The following TAFA2 variants were observed in gnomAD, a reference collection of about 807,000 sequenced individuals.
TAFA2 encodes chemokine-like protein TAFA-2.
Under a neutral mutation model 18.8 loss-of-function variants are expected in TAFA2, and 7 were observed. The ratio of observed to expected loss-of-function variants is 0.37; its 90% CI spans 0.21 to 0.70. The LOEUF is 0.70. TAFA2 is among the 30% of genes least tolerant of loss of function. The pLI is 0.53. For synonymous variants in TAFA2, 60 were observed against 54.2 expected (o/e 1.11, Z -0.47); for missense variants, 122 against 158.1 (o/e 0.77, Z 1.23).
At chr12:61,728,695 T>G (rs1848529963) in intron 4 of TAFA2, among the ~76,000 whole-genome samples, 1 of 151,982 alleles carries the variant, frequency 6.6e-6, no homozygotes, top group Non-Finnish European at 1.5e-5. Context: ...ATTCTGCATA[T>G]TTGAAGTGGA....
intron 2 of TAFA2, among the ~76,000 whole-genome samples, chr12:61,765,810 GA>G (rs1171277036): frequency 6.6e-6 from 1 of 151,956 alleles, no homozygotes; most frequent in Non-Finnish European, 1.5e-5. Flanking sequence ...TTTTTTTAGA[GA>G]CTTAAAAATA....
At chr12:62,258,273 C>G (rs1179443780) in intron 1 of TAFA2, 2 of 152,152 alleles carry the variant, frequency 1.3e-5, no homozygotes, top group African/African-American at 2.4e-5. Context: ...CAAAACGGCT[C>G]CATAAATCTG....
At chr12:62,234,722 C>A in intron 1 of TAFA2, 1 of 1,098,068 alleles carries the variant, frequency 9.1e-7, no homozygotes, top group Non-Finnish European at 1.4e-6. Flanking sequence ...CTGAGGAGCC[C>A]CGTCTACCAG....
chr12:62,086,452 A>G (rs1007916284), intron 1 of TAFA2, among the ~76,000 whole-genome samples: 6 of 152,152 alleles, frequency 3.9e-5, no homozygotes, highest in African/African-American at 1.4e-4. Context: ...CTGAATAACA[A>G]CAAACCAACC....
intron 1 of TAFA2, among the ~76,000 whole-genome samples, chr12:62,203,587 T>C (rs11609226): frequency 6.6e-6 from 1 of 152,352 alleles, no homozygotes; most frequent in South Asian, 2.1e-4. Context: ...TTTACCATTA[T>C]GTAATGCCCT....
At chr12:61,996,019 A>AT (rs892970337) in intron 1 of TAFA2, among the ~76,000 whole-genome samples, 127 of 151,314 alleles carry the variant, frequency 8.4e-4, no homozygotes, top group African/African-American at 2.2e-3. Context: ...CCATTAGTTG[A>AT]TTTTTTTTTC....
chr12:62,126,947 A>G (rs551159064), intron 1 of TAFA2, among the ~76,000 whole-genome samples: 31 of 152,240 alleles, frequency 2.0e-4, no homozygotes, highest in South Asian at 1.7e-3. Flanking sequence ...ATATAGTAAT[A>G]TTACAGTTTC....
chr12:62,151,774 G>A (rs1010389300), intron 1 of TAFA2, among the ~76,000 whole-genome samples: 1 of 152,132 alleles, frequency 6.6e-6, no homozygotes, highest in Admixed American at 6.6e-5. Flanking sequence ...GTCCAACAGG[G>A]CTTCTAAGCC....
At chr12:62,078,451 A>T (rs918431969) in intron 1 of TAFA2, among the ~76,000 whole-genome samples, 1 of 149,598 alleles carries the variant, frequency 6.7e-6, no homozygotes, top group Non-Finnish European at 1.5e-5. Context: ...AGATCCAGCC[A>T]GCTAAAGACA....
At chr12:61,876,457 C>T (rs1874849914) in intron 1 of TAFA2, among the ~76,000 whole-genome samples, 1 of 152,132 alleles carries the variant, frequency 6.6e-6, no homozygotes, top group African/African-American at 2.4e-5. Flanking sequence ...TTTAACCATC[C>T]AGTATGGTCA....
intron 2 of TAFA2, among the ~76,000 whole-genome samples, chr12:61,833,340 T>G (rs1024139949): frequency 1.3e-5 from 2 of 151,716 alleles, no homozygotes; most frequent in African/African-American, 4.8e-5. Flanking sequence ...CATTCAATCT[T>G]CAATGAATAT....
intron 1 of TAFA2, among the ~76,000 whole-genome samples, chr12:61,973,801 G>C (rs7976288): frequency 0.021 from 3,193 of 151,788 alleles, 125 homozygotes; most frequent in African/African-American, 0.073. Context: ...CTACACCCAA[G>C]ACTGGTTAAA....
At chr12:62,193,981 A>G (rs1338856646), upstream of TAFA2, among the ~76,000 whole-genome samples, 2 of 152,206 alleles carry the variant, frequency 1.3e-5, no homozygotes, top group Non-Finnish European at 2.9e-5. Context: ...TACCGTAACT[A>G]ATTGCTCTAT....
intron 1 of TAFA2, among the ~76,000 whole-genome samples, chr12:61,914,323 G>A (rs1876731278): frequency 1.3e-5 from 2 of 152,136 alleles, no homozygotes; most frequent in Non-Finnish European, 2.9e-5. Context: ...TCTAAAGTTA[G>A]CCTCACACCA....
intron 2 of TAFA2, among the ~76,000 whole-genome samples, chr12:61,802,630 A>G (rs988735077): frequency 1.3e-5 from 2 of 151,938 alleles, no homozygotes; most frequent in Non-Finnish European, 2.9e-5. Flanking sequence ...GATGATAAGA[A>G]GAGGTTAGGC....
At position 61,899,739 on chromosome 12, in the gene TAFA2, T is replaced by C. The variant is rs552527297; in HGVS notation, c.-1-32313A>G. Among the ~76,000 whole-genome samples the C allele has an allele frequency of 2.6e-5, 4 of 152,268 alleles. No homozygotes were observed. In the South Asian group the frequency reaches 8.3e-4, roughly 32 times the overall value. Reference sequence around the variant, plus strand: ...TTCATCCAACCGTGGATCAAAAATATTCAAAAAATTAAAAACTTCACCTGT... The same window carrying C: ...TTCATCCAACCGTGGATCAAAAATACTCAAAAAATTAAAAACTTCACCTGT... On this transcript the variant is annotated intron_variant, in intron 1 of 4. Coordinates refer to ENST00000416284, the MANE Select transcript of TAFA2 (RefSeq NM_178539.5).
chr12:62,233,143 C>A (rs2062820445), intron 1 of TAFA2, among the ~76,000 whole-genome samples: 1 of 123,826 alleles, frequency 8.1e-6, no homozygotes, highest in South Asian at 2.6e-4. Context: ...TGCAATTGTG[C>A]CATCCTGGCT....
At chr12:62,176,570 TA>T (rs1228575137) in intron 1 of TAFA2, among the ~76,000 whole-genome samples, 1 of 152,210 alleles carries the variant, frequency 6.6e-6, no homozygotes, top group Non-Finnish European at 1.5e-5. Context: ...TTCGAATGAA[TA>T]AATATTTGAG....
At chr12:61,803,403 G>A (rs11174181) in intron 2 of TAFA2, among the ~76,000 whole-genome samples, 1 of 151,848 alleles carries the variant, frequency 6.6e-6, no homozygotes, top group African/African-American at 2.4e-5. Context: ...GTTTCATTTA[G>A]GGTAGATAGA....
Sources: gnomAD v4.1 joint callset for allele counts (sites outside exome capture counted in the v4.1 genomes callset) on GRCh38, gnomAD v4.1.1 for gene constraint, MANE v1.5 for transcripts, NCBI Gene and HGNC (gene_info 2026-07-23, HGNC 2026-07-21) for gene names.